KDM4A: variants seen among roughly 807,000 people sequenced by gnomAD.
The protein encoded by KDM4A is lysine-specific demethylase 4A.
In KDM4A, 23 loss-of-function variants were observed where a neutral mutation model predicts 127.1. The ratio of observed to expected loss-of-function variants is 0.18; its 90% CI spans 0.13 to 0.26. The LOEUF (loss-of-function observed/expected upper bound fraction) is 0.26. Among genes scored for constraint, KDM4A ranks in the 10% least tolerant of loss-of-function variants. The probability of loss-of-function intolerance (pLI) is 1.00; values close to 1 mark genes in which losing one functional copy is unlikely to be tolerated. For missense variants in KDM4A, 890 were observed against 1,329.1 expected, an observed-to-expected ratio of 0.67 and a Z score of 5.14; for synonymous variants, 443 against 466.5, an observed-to-expected ratio of 0.95 and a Z score of 0.65.
At chr1:43,670,503 T>C (rs1335542659) in intron 10 of KDM4A, among the ~76,000 whole-genome samples, 1 of 151,894 alleles carries the variant, frequency 6.6e-6, no homozygotes, top group Non-Finnish European at 1.5e-5. Flanking sequence ...AGCAATCCTC[T>C]TGCCTCAGCC....
chr1:43,666,430 C>A, intron 6 of KDM4A, 22 bp from the exon 7 acceptor site: 1 of 1,599,552 alleles, frequency 6.3e-7, no homozygotes, highest in Non-Finnish European at 8.6e-7. Flanking sequence ...CTGTGTTAAC[C>A]TGTACCCTTT....
chr1:43,680,769 C>T (rs1357679835), intron 11 of KDM4A, among the ~76,000 whole-genome samples: 1 of 152,268 alleles, frequency 6.6e-6, no homozygotes, highest in South Asian at 2.1e-4. Context: ...CTTCCTTCTT[C>T]TGTTGTAAGC....
intron 10 of KDM4A, among the ~76,000 whole-genome samples, chr1:43,670,408 TTTG>T (rs1457979662): frequency 6.6e-6 from 1 of 152,192 alleles, no homozygotes; most frequent in African/African-American, 2.4e-5. Context: ...ACATAATTTT[TTTG>T]TTTGTTTTAG....
chr1:43,687,094 A>AT (rs1424614773), intron 12 of KDM4A, among the ~76,000 whole-genome samples: 2 of 152,140 alleles, frequency 1.3e-5, no homozygotes, highest in Non-Finnish European at 2.9e-5. Context: ...TTTGGCCAGG[A>AT]TAAAGAAAAA....
chr1:43,674,458 TAC>T, intron 11 of KDM4A, among the ~76,000 whole-genome samples: 1 of 152,206 alleles, frequency 6.6e-6, no homozygotes, highest in East Asian at 1.9e-4. Context: ...TCGCTTTATT[TAC>T]AAGTTAAAAT....
rs1661160276 is a variant in KDM4A at position 43,693,247 on chromosome 1, A to G, written c.2376-747A>G. ...TGCCTGTTCTGCCCTCCAGGGCCAC[A>G]CAGAACAAATCTGTTCCCACTCTAA... On this transcript the variant is annotated intron_variant, in intron 16 of 21. Coordinates refer to ENST00000372396, the MANE Select transcript of KDM4A (RefSeq NM_014663.3). This position sits in a 1 kb window ranked among gnomAD's most constrained non-coding sequence, Gnocchi z 4.2. 6.6e-6 allele frequency among the ~76,000 whole-genome samples: 1 copy of G among 152,232 alleles called. No individual in the cohort carries two copies. The highest frequency in any genetic ancestry group is 2.1e-4 in the South Asian group (1 of 4,832).
Position 43,704,806 on chromosome 1 carries a change from T to C in KDM4A, c.*436T>C, listed in dbSNP as rs768713970. On this transcript the variant is annotated 3_prime_UTR_variant, in exon 22 of 22. Coordinates refer to ENST00000372396, the MANE Select transcript of KDM4A (RefSeq NM_014663.3). ...GTGTGCGTGCGTGCGTGCGTGCGTG[T>C]ATGTTTGGTCTGGACCAGCTTCTGC... The C allele has an allele frequency of 1.3e-4, 22 of 166,278 alleles. No individual in the cohort carries two copies. The highest frequency in any genetic ancestry group is 1.9e-4 in the Non-Finnish European group (15 of 77,064). The allele number at this position is 166,278 out of a possible 1,614,324, so 10.3% of individuals were successfully genotyped here.
intron 3 of KDM4A, among the ~76,000 whole-genome samples, chr1:43,658,071 C>CTTTT (rs371218115): frequency 1.5e-5 from 2 of 132,614 alleles, no homozygotes; most frequent in Admixed American, 7.8e-5. Context: ...AAAAACATAA[C>CTTTT]TTTTTTTTTT....
chr1:43,652,659 TTTTCTTTC>T (rs1219642037), intron 1 of KDM4A, among the ~76,000 whole-genome samples: 10 of 145,478 alleles, frequency 6.9e-5, no homozygotes, highest in South Asian at 2.1e-4. Context: ...CCTAAATTAC[TTTTCTTTC>T]TTTCTTTCTT....
chr1:43,701,891 C>G (rs1661405629), intron 19 of KDM4A, among the ~76,000 whole-genome samples: 1 of 152,206 alleles, frequency 6.6e-6, no homozygotes, highest in Non-Finnish European at 1.5e-5. Flanking sequence ...CCAAAAGTGT[C>G]TTATGAGGAC....
rs978101130 is a variant in KDM4A at position 43,660,549 on chromosome 1, T to C, written c.429+137T>C. ...ACAGATGATCTACCCCCAGCTGATG[T>C]TGCTGTGCTGGCCTAATTGTGGGCC... On this transcript the variant is annotated intron_variant, in intron 4 of 21. Transcript: ENST00000372396. 22 of 1,301,412 alleles carry C rather than the reference T, an allele frequency of 1.7e-5. No individual in the cohort carries two copies. The Admixed American group carries it at 5.5e-4, about 32-fold the overall frequency. The allele number at this position is 1,301,412 out of a possible 1,614,324, so 80.6% of individuals were successfully genotyped here.
At chr1:43,696,568 A>T (rs1436441911) in intron 18 of KDM4A, among the ~76,000 whole-genome samples, 5 of 152,188 alleles carry the variant, frequency 3.3e-5, no homozygotes, top group African/African-American at 1.2e-4. Flanking sequence ...GTATGTGAGA[A>T]TGAGACTCCG....
intron 5 of KDM4A, among the ~76,000 whole-genome samples, chr1:43,663,746 C>T (rs1660438098): frequency 6.6e-6 from 1 of 152,042 alleles, no homozygotes; most frequent in Non-Finnish European, 1.5e-5. Context: ...ACTTCAGCCT[C>T]CCAGGTAGCT....
Position 43,704,433 on chromosome 1 carries a change from C to T in KDM4A, c.*63C>T, listed in dbSNP as rs965231506. 1.0e-5 allele frequency: 15 copies of T among 1,497,416 alleles called. No homozygotes were observed. Among genetic ancestry groups the T allele is most frequent in the Middle Eastern group, 1.8e-4 (1 of 5,692 alleles). The allele number at this position is 1,497,416 out of a possible 1,614,324, so 92.8% of individuals were successfully genotyped here. A position where few individuals can be genotyped will look rare whatever the true frequency, so the allele number is the denominator to read the frequency against. On this transcript the variant is annotated 3_prime_UTR_variant, in exon 22 of 22. Coordinates refer to ENST00000372396, the MANE Select transcript of KDM4A (RefSeq NM_014663.3). Reference sequence around the variant, plus strand: ...CAAGAGCACTCTGGGTTCCACAGCACAGCAGACATGGAACGCTGAAGTCTC... The same window carrying T: ...CAAGAGCACTCTGGGTTCCACAGCATAGCAGACATGGAACGCTGAAGTCTC...
At chr1:43,653,462 C>G in intron 2 of KDM4A, 149 bp downstream of exon 2, 1 of 668,076 alleles carries the variant, frequency 1.5e-6, no homozygotes, top group Non-Finnish European at 2.4e-6. Flanking sequence ...AGTTAATTCC[C>G]GTTGTTAACA....
At chr1:43,695,711 G>A (rs1661225373) in intron 18 of KDM4A, among the ~76,000 whole-genome samples, 1 of 152,230 alleles carries the variant, frequency 6.6e-6, no homozygotes, top group Non-Finnish European at 1.5e-5. Context: ...TGGAAAACCA[G>A]TTAGTCCAGG....
chr1:43,667,619 C>T (rs1293701072), intron 8 of KDM4A, among the ~76,000 whole-genome samples, 153 bp from the exon 9 acceptor site: 2 of 152,172 alleles, frequency 1.3e-5, no homozygotes, highest in East Asian at 1.9e-4. Context: ...GAAGGTCCTG[C>T]AAGGATAACA....
At chr1:43,681,785 T>C (rs1427531910) in intron 11 of KDM4A, among the ~76,000 whole-genome samples, 1 of 152,230 alleles carries the variant, frequency 6.6e-6, no homozygotes. Flanking sequence ...GTTTTTATCT[T>C]AACCTTTTAT....
chr1:43,684,281 G>C (rs781314522), intron 12 of KDM4A, among the ~76,000 whole-genome samples: 4 of 152,164 alleles, frequency 2.6e-5, no homozygotes, highest in Admixed American at 6.5e-5. Context: ...AAGGTGGGCG[G>C]ATCATGAGGT....
Sources: allele counts gnomAD v4.1 joint callset (sites outside exome capture counted in the v4.1 genomes callset), GRCh38; gene constraint gnomAD v4.1.1; non-coding constraint Gnocchi (gnomAD v3.1); transcripts MANE v1.5; gene names NCBI Gene and HGNC (gene_info 2026-07-23, HGNC 2026-07-21).